UGT1A10: variants seen among roughly 807,000 people sequenced by gnomAD.
The protein encoded by UGT1A10 is UDP glucuronosyltransferase family 1 member A10, also known as UDP-glucuronosyltransferase 1A10.
UGT1A10 carries 49 observed loss-of-function variants against 45.8 expected under a neutral mutation model. That is an observed-to-expected ratio of 1.07 (90% CI 0.85 to 1.36). The LOEUF (loss-of-function observed/expected upper bound fraction) is 1.36, where lower values mean the gene tolerates loss of function less well. Ranked by LOEUF, UGT1A10 falls within the 40% of genes most tolerant of loss-of-function variation. The pLI, the probability that UGT1A10 is intolerant of heterozygous loss-of-function variation, is 0.00. For synonymous variants in UGT1A10, 284 were observed against 249.7 expected, an observed-to-expected ratio of 1.14 and a Z score of -1.29; for missense variants, 745 against 668.6, an observed-to-expected ratio of 1.11 and a Z score of -1.26.
intron 1 of UGT1A10, among the ~76,000 whole-genome samples, chr2:233,715,099 T>C (rs2076432380): frequency 6.6e-6 from 1 of 152,192 alleles, no homozygotes; most frequent in South Asian, 2.1e-4. Context: ...TTGGCCAGGC[T>C]GATCTCAAAT....
At chr2:233,761,212 G>T in intron 1 of UGT1A10, 1 of 1,613,674 alleles carries the variant, frequency 6.2e-7, no homozygotes, top group Non-Finnish European at 8.5e-7. Flanking sequence ...ACTTTGGATC[G>T]ATTAACTAGC....
At chr2:233,767,621 CT>C (rs1156408939) in intron 2 of UGT1A10, among the ~76,000 whole-genome samples, 1 of 152,158 alleles carries the variant, frequency 6.6e-6, no homozygotes, top group Non-Finnish European at 1.5e-5. Context: ...AAGTGCACAG[CT>C]TGATAAATTA....
chr2:233,744,344 C>T (rs1692781957), intron 1 of UGT1A10, among the ~76,000 whole-genome samples: 1 of 151,964 alleles, frequency 6.6e-6, no homozygotes, highest in South Asian at 2.1e-4. Flanking sequence ...CTGACTGGGG[C>T]TGAAGACATC....
At chr2:233,690,783 AC>A (rs1354086409) in intron 1 of UGT1A10, 123 of 1,085,474 alleles carry the variant, frequency 1.1e-4, no homozygotes, top group Non-Finnish European at 1.4e-4. Flanking sequence ...ACATACACAC[AC>A]ACACACACAC....
At chr2:233,716,356 C>T (rs1029133275) in intron 1 of UGT1A10, among the ~76,000 whole-genome samples, 6 of 152,180 alleles carry the variant, frequency 3.9e-5, no homozygotes, top group African/African-American at 1.4e-4. Flanking sequence ...AATGTAGATA[C>T]TTTGTGGGGC....
At chr2:233,637,821 C>A (rs1289082327) in intron 1 of UGT1A10, among the ~76,000 whole-genome samples, 1 of 152,110 alleles carries the variant, frequency 6.6e-6, no homozygotes, top group Non-Finnish European at 1.5e-5. Flanking sequence ...TTGGGCTGAA[C>A]ATATTCTTCT....
chr2:233,768,921 A>G (rs1482131176), intron 4 of UGT1A10, among the ~76,000 whole-genome samples: 4 of 152,000 alleles, frequency 2.6e-5, no homozygotes, highest in Non-Finnish European at 2.9e-5. Context: ...GTTATTATTC[A>G]CTTTATAAAA....
chr2:233,663,146 T>C (rs1268361938), intron 1 of UGT1A10, among the ~76,000 whole-genome samples: 1 of 152,058 alleles, frequency 6.6e-6, no homozygotes, highest in African/African-American at 2.4e-5. Context: ...CATTCCCCTC[T>C]CCTCCAAGCC....
chr2:233,744,908 A>T (rs1314296999), intron 1 of UGT1A10, among the ~76,000 whole-genome samples: 1 of 151,834 alleles, frequency 6.6e-6, no homozygotes, highest in African/African-American at 2.4e-5. Flanking sequence ...CAAAATCTAG[A>T]TGCTCAAGCT....
chr2:233,644,231 A>G (rs1575396629), intron 1 of UGT1A10, among the ~76,000 whole-genome samples: 2 of 151,906 alleles, frequency 1.3e-5, no homozygotes, highest in East Asian at 1.9e-4. Flanking sequence ...TCAAGTTCAG[A>G]CCTCTGAGAT....
At chr2:233,673,738 A>G (rs1251866041) in intron 1 of UGT1A10, among the ~76,000 whole-genome samples, 12 of 152,134 alleles carry the variant, frequency 7.9e-5, no homozygotes, top group Admixed American at 7.9e-4. Flanking sequence ...CCATTTCTAC[A>G]TGTAACTGAC....
At chr2:233,652,658 T>C (rs1229512440) in intron 1 of UGT1A10, among the ~76,000 whole-genome samples, 1 of 152,206 alleles carries the variant, frequency 6.6e-6, no homozygotes, top group Admixed American at 6.5e-5. Context: ...AGAATCCAGA[T>C]ATAAACCCAT....
chr2:233,671,826 A>T, intron 1 of UGT1A10: 1 of 1,447,290 alleles, frequency 6.9e-7, no homozygotes, highest in Non-Finnish European at 9.1e-7. Flanking sequence ...TTATGAAAGG[A>T]TAAAAACACG....
At chr2:233,740,153 C>G (rs1191038998) in intron 1 of UGT1A10, among the ~76,000 whole-genome samples, 1 of 151,824 alleles carries the variant, frequency 6.6e-6, no homozygotes, top group African/African-American at 2.4e-5. Context: ...CCTGAGGCCT[C>G]CCCAGTCATG....
rs181646977 is a variant in UGT1A10 at position 233,637,283 on chromosome 2, G to A, written c.761G>A (p.Arg254Gln). 1.2e-5 allele frequency: 20 copies of A among 1,613,904 alleles called. No individual in the cohort carries two copies. The East Asian group carries it at 1.3e-4, about 11-fold the overall frequency. Reference protein sequence around the residue: ...LYSHTSIWLLRTDFVLDYPKP... With the variant: ...LYSHTSIWLLQTDFVLDYPKP... The stretch of plus-strand genomic sequence containing the variant: ...AGTCACACATCAATTTGGTTGTTGC[G>A]AACGGACTTTGTTTTGGACTATCCC... The change falls in exon 1 of 5, where the codon CGA becomes CAA. Residue 254 changes from arginine (R) to glutamine (Q), a missense_variant. Arg to Gln is a conservative substitution (Grantham distance 43, BLOSUM62 1). Coordinates refer to ENST00000344644, the MANE Select transcript of UGT1A10 (RefSeq NM_019075.4).
chr2:233,658,747 A>G (rs1024053547), intron 1 of UGT1A10, among the ~76,000 whole-genome samples: 2 of 152,198 alleles, frequency 1.3e-5, no homozygotes, highest in Non-Finnish European at 2.9e-5. Flanking sequence ...TCTCCACTGA[A>G]TTGTCTTTGC....
chr2:233,730,376 G>A (rs1316829383), intron 1 of UGT1A10, among the ~76,000 whole-genome samples: 1 of 152,114 alleles, frequency 6.6e-6, no homozygotes, highest in Non-Finnish European at 1.5e-5. Context: ...GATTTTCAGG[G>A]GAAAGATGAT....
At chr2:233,715,879 C>T (rs1410006129) in intron 1 of UGT1A10, among the ~76,000 whole-genome samples, 3 of 152,094 alleles carry the variant, frequency 2.0e-5, no homozygotes, top group African/African-American at 7.2e-5. Context: ...GTGCCTGTGG[C>T]CCCAGCTACT....
chr2:233,636,934 A>C lies in UGT1A10; in HGVS notation c.412A>C (p.Lys138Gln), dbSNP rs549814541. ...TGACCGAAAATTAGTAGAATACTTA[A>C]AGGAGAGTTCTTTTGATGCAGTGTT... ...FNDRKLVEYLKESSFDAVFLD... is the reference protein window; with the variant it reads ...FNDRKLVEYLQESSFDAVFLD... The change falls in exon 1 of 5, where the codon AAG (lysine) becomes CAG (glutamine). Residue 138 changes from lysine to glutamine, a missense_variant. Lys to Gln is a moderately conservative substitution (Grantham distance 53). Transcript: ENST00000344644. The C allele has an allele frequency of 1.2e-6, 2 of 1,614,142 alleles. No individual in the cohort carries two copies. Among genetic ancestry groups the C allele is most frequent in the African/African-American group, 2.7e-5 (2 of 75,028 alleles).
Sources: gnomAD v4.1 joint callset for allele counts (sites outside exome capture counted in the v4.1 genomes callset) on GRCh38, gnomAD v4.1.1 for gene constraint, MANE v1.5 for transcripts, NCBI Gene and HGNC (gene_info 2026-07-23, HGNC 2026-07-21) for gene names.